The following OR51B5 variants were observed in gnomAD, a reference collection of about 807,000 sequenced individuals.
The protein encoded by OR51B5 is olfactory receptor family 51 subfamily B member 5, also known as olfactory receptor 51B5.
For synonymous variants in OR51B5, 186 were observed against 144.8 expected, an observed-to-expected ratio of 1.28 and a Z score of -2.04; for missense variants, 456 against 374.6, an observed-to-expected ratio of 1.22 and a Z score of -1.79.
At position 5,503,785 on chromosome 11, in the gene OR51B5, A is replaced by T. The variant is rs909363255; in HGVS notation, n.84+1784T>A. 8.5e-5 allele frequency among the ~76,000 whole-genome samples: 13 copies of T among 152,156 alleles called. 1 individual carries two copies. The highest frequency in any genetic ancestry group is 6.6e-4 in the Admixed American group (10 of 15,262). On this transcript the variant is annotated intron_variant and non_coding_transcript_variant, in intron 1 of 4. Coordinates refer to the OR51B5 transcript ENST00000415970. Reference sequence around the variant, plus strand: ...AGATACTCGCAGGACTCGGGGGTAAAAATTTCAATATCACAAATTCTGCCC... The same window carrying T: ...AGATACTCGCAGGACTCGGGGGTAATAATTTCAATATCACAAATTCTGCCC...
At chr11:5,466,191 T>C (rs1851136726) in intron 1 of OR51B5, among the ~76,000 whole-genome samples, 1 of 152,216 alleles carries the variant, frequency 6.6e-6, no homozygotes, top group African/African-American at 2.4e-5. Flanking sequence ...GTAAAATATT[T>C]ATATTACCAG....
At chr11:5,483,446 A>G (rs1237183639) in intron 1 of OR51B5, among the ~76,000 whole-genome samples, 1 of 147,586 alleles carries the variant, frequency 6.8e-6, no homozygotes, top group Non-Finnish European at 1.5e-5. Context: ...AGCATGGCAC[A>G]TGTATACATG....
At chr11:5,429,231 G>A (rs1390717307) in intron 1 of OR51B5, among the ~76,000 whole-genome samples, 2 of 152,142 alleles carry the variant, frequency 1.3e-5, no homozygotes, top group African/African-American at 2.4e-5. Flanking sequence ...GCCTTTGAGA[G>A]TTTGGGGAGA....
At chr11:5,499,285 T>TGACCTATTTCTGTGAATAGGTCCCTTA (rs6144191) in intron 1 of OR51B5, among the ~76,000 whole-genome samples, 1 of 150,474 alleles carries the variant, frequency 6.6e-6, no homozygotes, top group Non-Finnish European at 1.5e-5. Flanking sequence ...GGTTACTCTT[T>TGACCTATTTCTGTGAATAGGTCCCTTA]GACCTATTTC....
chr11:5,437,201 T>A (rs952712337), intron 1 of OR51B5, among the ~76,000 whole-genome samples: 2 of 152,124 alleles, frequency 1.3e-5, no homozygotes, highest in African/African-American at 4.8e-5. Flanking sequence ...TTCTCCAAAC[T>A]TCATAGCAAC....
intron 1 of OR51B5, among the ~76,000 whole-genome samples, chr11:5,476,186 TC>T (rs1564826063): frequency 5.3e-5 from 8 of 152,110 alleles, no homozygotes; most frequent in Admixed American, 3.9e-4. Flanking sequence ...TATAACTATT[TC>T]CCCCCAGTAA....
intron 1 of OR51B5, among the ~76,000 whole-genome samples, chr11:5,396,218 C>T (rs2647558): frequency 1.3e-5 from 2 of 151,924 alleles, no homozygotes; most frequent in African/African-American, 2.4e-5. Context: ...AGTTCTGGCC[C>T]GGGCAATCGG....
chr11:5,503,561 C>T (rs1846329780), intron 1 of OR51B5, among the ~76,000 whole-genome samples: 1 of 152,122 alleles, frequency 6.6e-6, no homozygotes, highest in African/African-American at 2.4e-5. Context: ...AATTTGACAT[C>T]TGCTATAAAG....
intron 1 of OR51B5, among the ~76,000 whole-genome samples, chr11:5,377,998 G>A (rs1334545592): frequency 2.6e-5 from 4 of 150,988 alleles, no homozygotes; most frequent in Non-Finnish European, 4.4e-5. Flanking sequence ...AGCCTGCATT[G>A]CCAAGTCAAT....
chr11:5,383,491 C>A (rs76998467), intron 1 of OR51B5, among the ~76,000 whole-genome samples: 5,534 of 152,208 alleles, frequency 0.036, 339 homozygotes, highest in African/African-American at 0.13. Flanking sequence ...CTACATCCGA[C>A]CTCTCTGGAA....
intron 1 of OR51B5, chr11:5,352,338 C>T: frequency 6.2e-7 from 1 of 1,613,404 alleles, no homozygotes; most frequent in East Asian, 2.2e-5. Flanking sequence ...TGAGCTACAT[C>T]CACTTCCTTT....
In OR51B5 at chr11:5,366,154, A is replaced by G. The variant is rs115571328; in HGVS notation, n.85-19244T>C. Among the ~76,000 whole-genome samples the G allele has an allele frequency of 3.9e-3, 601 of 152,270 alleles. 2 individuals carry two copies. Among genetic ancestry groups the G allele is most frequent in the African/African-American group, 0.01 (428 of 41,550 alleles). On this transcript the variant is annotated intron_variant and non_coding_transcript_variant, in intron 1 of 4. Coordinates refer to the OR51B5 transcript ENST00000415970. ...CCCAGTGGGCAAAATAAGAAACAGTATGTGAAGAGGATAGAGCAAGCCTTA... is the reference window on the plus strand; with the variant it reads ...CCCAGTGGGCAAAATAAGAAACAGTGTGTGAAGAGGATAGAGCAAGCCTTA...
In OR51B5 at chr11:5,351,986, G is replaced by A. The variant is rs112049705; in HGVS notation, n.85-5076C>T. 2.2e-5 allele frequency: 35 copies of A among 1,613,274 alleles called. 2 individuals carry two copies. The highest frequency in any genetic ancestry group is 1.1e-4 in the South Asian group (10 of 91,062). On this transcript the variant is annotated intron_variant and non_coding_transcript_variant, in intron 1 of 4. Coordinates refer to the OR51B5 transcript ENST00000415970. ...CTGTCCATTATGCCAATAGTTGTTC[G>A]CCTACACTGGTTTCCCTACTGTCGA...
chr11:5,374,674 G>T (rs1164678502), intron 1 of OR51B5, among the ~76,000 whole-genome samples: 1 of 152,326 alleles, frequency 6.6e-6, no homozygotes, highest in South Asian at 2.1e-4. Flanking sequence ...GCTCGAGAAT[G>T]ACGTGAAGAA....
chr11:5,398,365 T>C (rs1380695249), intron 1 of OR51B5, among the ~76,000 whole-genome samples: 1 of 152,186 alleles, frequency 6.6e-6, no homozygotes, highest in Non-Finnish European at 1.5e-5. Flanking sequence ...CCTGGGTAAT[T>C]GCTCCTCAGG....
At chr11:5,504,926 G>A (rs1846350498) in intron 1 of OR51B5, among the ~76,000 whole-genome samples, 1 of 152,176 alleles carries the variant, frequency 6.6e-6, no homozygotes, top group Admixed American at 6.6e-5. Flanking sequence ...ATTGTGAAGA[G>A]CTCTAAGAGG....
intron 1 of OR51B5, among the ~76,000 whole-genome samples, chr11:5,368,110 C>G (rs1047123889): frequency 6.6e-6 from 1 of 152,170 alleles, no homozygotes; most frequent in African/African-American, 2.4e-5. Flanking sequence ...TTGTTTTTTC[C>G]TCTGCCATTC....
At position 5,488,776 on chromosome 11, in the gene OR51B5, G is replaced by C. The variant is rs747278301; in HGVS notation, n.84+16793C>G. The C allele has an allele frequency of 3.1e-6, 5 of 1,614,000 alleles. No homozygotes were observed. In the East Asian group the frequency reaches 8.9e-5, roughly 29 times the overall value. The stretch of plus-strand genomic sequence containing the variant: ...CTTCTTAACAGGGATCCCAGGGCTG[G>C]AGGCTGCCCACTTCTGGATTGCCAT... On this transcript the variant is annotated intron_variant and non_coding_transcript_variant, in intron 1 of 4. Transcript: ENST00000415970.
chr11:5,453,721 T>C, intron 1 of OR51B5: 1 of 1,614,136 alleles, frequency 6.2e-7, no homozygotes. Context: ...ATGGCCACAC[T>C]GCCCACTGTA....
Sources: allele counts gnomAD v4.1 joint callset (sites outside exome capture counted in the v4.1 genomes callset), GRCh38; gene constraint gnomAD v4.1.1; transcripts MANE v1.5; gene names NCBI Gene and HGNC (gene_info 2026-07-23, HGNC 2026-07-21).